CAVIN1: variants seen among roughly 807,000 people sequenced by gnomAD.
CAVIN1 encodes caveolae-associated protein 1.
CAVIN1 carries 16 observed loss-of-function variants against 24.0 expected under a neutral mutation model. The ratio of observed to expected loss-of-function variants is 0.67; its 90% confidence interval spans 0.45 to 1.01. CAVIN1 has a LOEUF of 1.01. Among genes scored for constraint, CAVIN1 ranks in the 50% least tolerant of loss-of-function variants. CAVIN1 has a pLI of 0.00. For missense variants in CAVIN1, 510 were observed against 551.7 expected, an observed-to-expected ratio of 0.92 and a Z score of 0.76; for synonymous variants, 256 against 256.4, an observed-to-expected ratio of 1.00 and a Z score of 0.02.
intron 1 of CAVIN1, among the ~76,000 whole-genome samples, chr17:42,413,392 T>A (rs1284221836): frequency 6.6e-5 from 10 of 151,074 alleles, no homozygotes; most frequent in African/African-American, 1.9e-4. Context: ...ATTGCCCAGG[T>A]CTCTGCAAAA....
chr17:42,408,253 C>T (rs1235358157), intron 1 of CAVIN1, among the ~76,000 whole-genome samples: 3 of 152,034 alleles, frequency 2.0e-5, no homozygotes, highest in Admixed American at 1.3e-4. Flanking sequence ...CCAGCATCCC[C>T]CGCTTCTCCC....
chr17:42,404,311 G>C lies in CAVIN1; in HGVS notation c.*376C>G, dbSNP rs967062904. On this transcript the variant is annotated 3_prime_UTR_variant, in exon 2 of 2. Coordinates refer to ENST00000357037, the MANE Select transcript of CAVIN1 (RefSeq NM_012232.6). ...CAGGGATCAGGGTGAGAATGAAGAA[G>C]AGCTCAGTGAGCGGAATGACAGCAG... 1.1e-5 allele frequency: 2 copies of C among 179,890 alleles called. No homozygotes were observed. Among genetic ancestry groups the C allele is most frequent in the Non-Finnish European group, 2.3e-5 (2 of 86,852 alleles). 11.1% of individuals were successfully genotyped at this position (179,890 alleles called of 1,614,324 possible). A position where few individuals can be genotyped will look rare whatever the true frequency, so the allele number is the denominator to read the frequency against.
chr17:42,415,206 A>G (rs1014029599), intron 1 of CAVIN1, among the ~76,000 whole-genome samples: 3 of 151,908 alleles, frequency 2.0e-5, no homozygotes, highest in Non-Finnish European at 2.9e-5. Flanking sequence ...GCTAGTCTTC[A>G]CTCAGCTTTC....
intron 1 of CAVIN1, among the ~76,000 whole-genome samples, chr17:42,408,541 G>T (rs1284839878): frequency 6.6e-6 from 1 of 152,086 alleles, no homozygotes; most frequent in Non-Finnish European, 1.5e-5. Context: ...CCCCAGGCTG[G>T]AGTGCAATGA....
intron 1 of CAVIN1, among the ~76,000 whole-genome samples, chr17:42,420,551 A>G (rs2085539019): frequency 6.6e-6 from 1 of 152,162 alleles, no homozygotes; most frequent in South Asian, 2.1e-4. Flanking sequence ...AGCTACTCTT[A>G]CTACCTCAAC....
At chr17:42,411,482 C>A in intron 1 of CAVIN1, 1 of 985,354 alleles carries the variant, frequency 1.0e-6, no homozygotes, top group Non-Finnish European at 1.2e-6. Flanking sequence ...GAATGTCCCC[C>A]TCCTGGCATC....
chr17:42,404,625 G>A lies in CAVIN1; in HGVS notation c.*62C>T. The stretch of plus-strand genomic sequence containing the variant: ...AAATCTCAGCCAGCTCGAGCCGAGA[G>A]AGAATGCGAAAGAGGAAGTTCGGAA... On this transcript the variant is annotated 3_prime_UTR_variant, in exon 2 of 2. Transcript: ENST00000357037. 2 of 1,154,112 alleles carry A rather than the reference G, an allele frequency of 1.7e-6. No individual in the cohort carries two copies. The highest frequency in any genetic ancestry group is 2.3e-6 in the Non-Finnish European group (2 of 866,690). The allele number at this position is 1,154,112 out of a possible 1,614,324, so 71.5% of individuals were successfully genotyped here. A position where few individuals can be genotyped will look rare whatever the true frequency, so the allele number is the denominator to read the frequency against.
Position 42,423,102 on chromosome 17 carries a change from A to G in CAVIN1, c.-5T>C. ...ATAGAGCGTGGGGTCCTCCATGGCT[A>G]CCCGGAGCCGTGCGGGACCGGCCGG... On this transcript the variant is annotated 5_prime_UTR_variant, in exon 1 of 2. Transcript: ENST00000357037. The G allele has an allele frequency of 6.4e-7, 1 of 1,558,156 alleles. No homozygotes were observed. The highest frequency in any genetic ancestry group is 8.7e-7 in the Non-Finnish European group (1 of 1,151,292).
intron 1 of CAVIN1, among the ~76,000 whole-genome samples, chr17:42,416,144 G>T (rs2085510183): frequency 6.6e-6 from 1 of 152,124 alleles, no homozygotes; most frequent in Non-Finnish European, 1.5e-5. Flanking sequence ...GAGGCAGGTG[G>T]ATCACCTGAG....
At chr17:42,422,508 CG>C (rs1209539858) in intron 1 of CAVIN1, 118 bp downstream of exon 1, 14 of 408,906 alleles carry the variant, frequency 3.4e-5, no homozygotes, top group African/African-American at 2.9e-4. Context: ...ATCTGCCGGG[CG>C]CCCGGGCCAG....
chr17:42,408,491 A>G (rs201655309), intron 1 of CAVIN1, among the ~76,000 whole-genome samples: 2 of 39,900 alleles, frequency 5.0e-5, no homozygotes, highest in Admixed American at 9.0e-4. Context: ...TTTGTTTTTT[A>G]GTTTTTTTGT....
intron 1 of CAVIN1, among the ~76,000 whole-genome samples, chr17:42,421,923 C>G (rs2085549887): frequency 6.6e-6 from 1 of 152,210 alleles, no homozygotes; most frequent in Non-Finnish European, 1.5e-5. Flanking sequence ...CAGCCCCGCC[C>G]GCTTCCAGGA....
rs919735920 is a variant in CAVIN1, at chr17:42,403,112, G to C, written c.*1575C>G. On this transcript the variant is annotated 3_prime_UTR_variant, in exon 2 of 2. Coordinates refer to ENST00000357037, the MANE Select transcript of CAVIN1 (RefSeq NM_012232.6). ...AAACAGCGTATCACTCTGTTGCCTA[G>C]GATGGAGCACAGAGGCACCCTCATA... The C allele has an allele frequency of 3.3e-5, 5 of 152,350 alleles. No homozygotes were observed. The highest frequency in any genetic ancestry group is 6.5e-5 in the Admixed American group (1 of 15,288). 9.4% of individuals were successfully genotyped at this position (152,350 alleles called of 1,614,324 possible). A position where few individuals can be genotyped will look rare whatever the true frequency, so the allele number is the denominator to read the frequency against.
chr17:42,411,902 G>A (rs772757057), intron 1 of CAVIN1: 10 of 985,274 alleles, frequency 1.0e-5, no homozygotes, highest in African/African-American at 1.7e-5. Flanking sequence ...CATAACGCCA[G>A]TGTTCTCACA....
intron 1 of CAVIN1, among the ~76,000 whole-genome samples, chr17:42,416,660 T>A (rs1003907424): frequency 7.3e-5 from 11 of 150,394 alleles, no homozygotes; most frequent in African/African-American, 2.7e-4. Flanking sequence ...CCTTTCGTCT[T>A]GGGAATACCC....
chr17:42,407,254 G>A (rs570494754), intron 1 of CAVIN1, among the ~76,000 whole-genome samples: 25 of 152,212 alleles, frequency 1.6e-4, no homozygotes, highest in African/African-American at 6.0e-4. Flanking sequence ...ACTCCCTTTA[G>A]TGACTTCAAA....
intron 1 of CAVIN1, among the ~76,000 whole-genome samples, chr17:42,419,035 T>C (rs2085529302): frequency 1.3e-5 from 2 of 151,690 alleles, no homozygotes; most frequent in African/African-American, 4.8e-5. Context: ...TCTACAAATA[T>C]GAAAAAAAAC....
intron 1 of CAVIN1, among the ~76,000 whole-genome samples, chr17:42,411,192 CAA>C (rs71157624): frequency 2.1e-5 from 1 of 46,640 alleles, no homozygotes; most frequent in African/African-American, 7.5e-5. Flanking sequence ...GACTATGTCT[CAA>C]AAAAAAAAAA....
chr17:42,408,836 G>A (rs1260211708), intron 1 of CAVIN1, among the ~76,000 whole-genome samples: 1 of 144,704 alleles, frequency 6.9e-6, no homozygotes. Context: ...TGTCACCTAG[G>A]TTGGAGTGCA....
Sources: gnomAD v4.1 joint callset for allele counts (sites outside exome capture counted in the v4.1 genomes callset) on GRCh38, gnomAD v4.1.1 for gene constraint, MANE v1.5 for transcripts, NCBI Gene and HGNC (gene_info 2026-07-23, HGNC 2026-07-21) for gene names.